The following LHPP variants were observed in gnomAD, a reference collection of about 807,000 sequenced individuals.
LHPP encodes the protein phospholysine phosphohistidine inorganic pyrophosphate phosphatase.
A neutral mutation model predicts 30.3 loss-of-function variants in LHPP; 24 were observed. The ratio of observed to expected loss-of-function variants is 0.79; its 90% CI spans 0.57 to 1.11. The LOEUF (loss-of-function observed/expected upper bound fraction) is 1.11, where lower values mean the gene tolerates loss of function less well. LHPP is among the 50% of genes most tolerant of loss of function. The pLI is 0.00. For synonymous variants in LHPP, 150 were observed against 157.1 expected, an observed-to-expected ratio of 0.95 and a Z score of 0.34; for missense variants, 356 against 367.2, an observed-to-expected ratio of 0.97 and a Z score of 0.25.
chr10:124,547,331 T>C (rs1955374238), intron 6 of LHPP, among the ~76,000 whole-genome samples: 1 of 152,256 alleles, frequency 6.6e-6, no homozygotes. Flanking sequence ...CTTAAACTTA[T>C]TTTCATGTTT....
intron 5 of LHPP, among the ~76,000 whole-genome samples, chr10:124,513,790 TAAAA>T (rs113227798): frequency 2.8e-5 from 4 of 143,942 alleles, no homozygotes; most frequent in African/African-American, 7.6e-5. Context: ...TTATTTATAT[TAAAA>T]AAAAAAAAAG....
chr10:124,547,927 T>C (rs540563842), intron 6 of LHPP, among the ~76,000 whole-genome samples: 50 of 152,314 alleles, frequency 3.3e-4, no homozygotes, highest in Admixed American at 5.2e-4. Flanking sequence ...ATAATCCACA[T>C]GGCCCTGTCC....
intron 6 of LHPP, among the ~76,000 whole-genome samples, chr10:124,600,364 G>C (rs1949005401): frequency 6.6e-6 from 1 of 152,274 alleles, no homozygotes; most frequent in Admixed American, 6.5e-5. Flanking sequence ...AGGGCTGCAG[G>C]CGACTGGGGC....
intron 1 of LHPP, among the ~76,000 whole-genome samples, chr10:124,471,418 TTA>T (rs59018781): frequency 1.1e-4 from 3 of 27,910 alleles, no homozygotes; most frequent in African/African-American, 2.9e-4. Flanking sequence ...TATTTATATA[TTA>T]TATATATATT....
Position 124,496,874 on chromosome 10 carries a change from A to T in LHPP, c.468-87A>T, listed in dbSNP as rs1953729229. 8.2e-7 allele frequency: 1 copy of T among 1,220,496 alleles called. No individual in the cohort carries two copies. Among genetic ancestry groups the T allele is most frequent in the East Asian group, 2.4e-5 (1 of 41,440 alleles). The allele number at this position is 1,220,496 out of a possible 1,614,324, so 75.6% of individuals were successfully genotyped here. A position where few individuals can be genotyped will look rare whatever the true frequency, so the allele number is the denominator to read the frequency against. On this transcript the variant is annotated intron_variant, in intron 3 of 6. Transcript: ENST00000368842. The surrounding 1 kb of genome is among the most constrained non-coding windows in gnomAD (Gnocchi z 4.3). Reference sequence around the variant, plus strand: ...GGCTTGGCTCTGCAGCCAGCGGGACAGGCCCGGTGCTCAGCTCCCGATACT... The same window carrying T: ...GGCTTGGCTCTGCAGCCAGCGGGACTGGCCCGGTGCTCAGCTCCCGATACT...
chr10:124,465,308 C>T (rs1019209671), intron 1 of LHPP, among the ~76,000 whole-genome samples: 1 of 152,066 alleles, frequency 6.6e-6, no homozygotes, highest in African/African-American at 2.4e-5. Flanking sequence ...CAGGCAGGAA[C>T]TTGAGGGGCA....
In LHPP at chr10:124,611,970, C is replaced by T. The variant is rs995685865; in HGVS notation, c.717-1294C>T. Among the ~76,000 whole-genome samples the T allele has an allele frequency of 7.2e-5, 11 of 152,298 alleles. No individual in the cohort carries two copies. In the East Asian group the frequency reaches 1.4e-3, roughly 19 times the overall value. On this transcript the variant is annotated intron_variant, in intron 6 of 6. Coordinates refer to ENST00000368842, the MANE Select transcript of LHPP (RefSeq NM_022126.4). ...CCCTCGGTAGTGGTAGGTTTGCAGA[C>T]GGGCCGCTCCCCACTTCCTGCCAAG...
At chr10:124,542,002 T>G in intron 6 of LHPP, among the ~76,000 whole-genome samples, 1 of 151,488 alleles carries the variant, frequency 6.6e-6, no homozygotes, top group African/African-American at 2.4e-5. Flanking sequence ...CTTTGAGGGG[T>G]CTCTCCTGAG....
intron 6 of LHPP, chr10:124,554,130 G>A (rs1232035920): frequency 1.1e-6 from 1 of 911,850 alleles, no homozygotes; most frequent in Admixed American, 6.2e-5. Flanking sequence ...GGGACGACCT[G>A]GGCCAGGTAG....
At chr10:124,498,697 A>G (rs1386182131) in intron 5 of LHPP, 2 of 389,492 alleles carry the variant, frequency 5.1e-6, no homozygotes, top group Non-Finnish European at 9.2e-6. Flanking sequence ...CAATGTCTCC[A>G]TTTGTCACCC....
intron 2 of LHPP, among the ~76,000 whole-genome samples, chr10:124,487,457 T>G (rs1411678879): frequency 6.6e-6 from 1 of 151,396 alleles, no homozygotes; most frequent in Non-Finnish European, 1.5e-5. Context: ...TTTTTTTTTT[T>G]TTTGAGACAG....
chr10:124,560,834 G>A (rs1022342225), intron 6 of LHPP, among the ~76,000 whole-genome samples: 6 of 152,088 alleles, frequency 3.9e-5, no homozygotes, highest in African/African-American at 1.2e-4. Flanking sequence ...TTCACCCAAA[G>A]CCCCACCCTG....
intron 6 of LHPP, among the ~76,000 whole-genome samples, chr10:124,607,411 G>A (rs540656608): frequency 8.5e-5 from 13 of 152,264 alleles, no homozygotes; most frequent in African/African-American, 3.1e-4. Context: ...CACGATTTCC[G>A]CTGCGTGTGG....
Position 124,502,667 on chromosome 10 carries a change from C to CTTTT in LHPP, c.624+4560_624+4563dup, listed in dbSNP as rs1190430106. 1.5e-3 allele frequency among the ~76,000 whole-genome samples: 109 copies of CTTTT among 71,348 alleles called. 2 individuals carry two copies. The highest frequency in any genetic ancestry group is 2.6e-3 in the East Asian group (7 of 2,730). The allele number at this position is 71,348 out of a possible 152,430, so 46.8% of individuals were successfully genotyped here. ...ACAGACGTGAGCCACCACGCCCAGC[C>CTTTT]TTTTTTTTTTTTTTTTTTTTTTTTG... is the stretch of plus-strand genomic sequence containing the variant. On this transcript the variant is annotated intron_variant, in intron 5 of 6. Coordinates refer to ENST00000368842, the MANE Select transcript of LHPP (RefSeq NM_022126.4).
rs1253445563 is a variant in LHPP, at chr10:124,559,972, AC to A, written c.716+42702del. Among the ~76,000 whole-genome samples, 6 of 152,382 alleles carry A rather than the reference AC, an allele frequency of 3.9e-5. No homozygotes were observed. The East Asian group carries it at 5.8e-4, about 15-fold the overall frequency. On this transcript the variant is annotated intron_variant, in intron 6 of 6. Coordinates refer to ENST00000368842, the MANE Select transcript of LHPP (RefSeq NM_022126.4). ...GCAGAAAACCCTGGGGCTGGGCAAG[AC>A]AGCAGCTTTCAGGAGCTGGGAGGAG...
chr10:124,473,839 A>G lies in LHPP; in HGVS notation c.126-10300A>G, dbSNP rs116143209. ...TGCAGTGGTTTGCACCTCTAATACCAACTACTCAGGAGACTGAAGAATCAC... is the reference window on the plus strand; with the variant it reads ...TGCAGTGGTTTGCACCTCTAATACCGACTACTCAGGAGACTGAAGAATCAC... On this transcript the variant is annotated intron_variant, in intron 1 of 6. Transcript: ENST00000368842. Among the ~76,000 whole-genome samples, 417 of 152,158 alleles carry G rather than the reference A, an allele frequency of 2.7e-3. 4 individuals carry two copies. Among genetic ancestry groups the G allele is most frequent in the African/African-American group, 9.8e-3 (406 of 41,506 alleles).
chr10:124,597,243 G>C (rs567921519), intron 6 of LHPP, among the ~76,000 whole-genome samples: 1 of 152,272 alleles, frequency 6.6e-6, no homozygotes, highest in East Asian at 1.9e-4. Context: ...CCTAGTGATC[G>C]TGTGAGCCAG....
intron 6 of LHPP, among the ~76,000 whole-genome samples, chr10:124,576,000 G>GT (rs1948654956): frequency 6.6e-6 from 1 of 152,148 alleles, no homozygotes; most frequent in African/African-American, 2.4e-5. Context: ...GGCCTGCTGT[G>GT]ATACATACTA....
intron 6 of LHPP, among the ~76,000 whole-genome samples, chr10:124,530,139 G>T (rs1375802315): frequency 6.6e-6 from 1 of 152,154 alleles, no homozygotes; most frequent in Admixed American, 6.5e-5. Context: ...GGCCAGCAAG[G>T]ATCCCCAGGC....
Sources: gnomAD v4.1 joint callset for allele counts (sites outside exome capture counted in the v4.1 genomes callset) on GRCh38, gnomAD v4.1.1 for gene constraint, Gnocchi (gnomAD v3.1) non-coding constraint, MANE v1.5 for transcripts, NCBI Gene and HGNC (gene_info 2026-07-23, HGNC 2026-07-21) for gene names.